The following HS6ST3 variants were observed in gnomAD, a reference collection of about 807,000 sequenced individuals.
The protein encoded by HS6ST3 is heparan-sulfate 6-O-sulfotransferase 3.
Under a neutral mutation model 36.7 loss-of-function variants are expected in HS6ST3, and 12 were observed. The observed-to-expected ratio is 0.33, with a 90% CI of 0.21 to 0.53. The LOEUF (loss-of-function observed/expected upper bound fraction) is 0.53. Ranked by LOEUF, HS6ST3 falls within the 20% of genes least tolerant of loss-of-function variation. The probability of loss-of-function intolerance (pLI) is 0.95; values close to 1 mark genes in which losing one functional copy is unlikely to be tolerated. For synonymous variants in HS6ST3, 240 were observed against 257.5 expected (o/e 0.93, Z 0.65); for missense variants, 584 against 640.9 (o/e 0.91, Z 0.96).
At chr13:96,157,301 T>G (rs1232731625) in intron 1 of HS6ST3, among the ~76,000 whole-genome samples, 2 of 152,132 alleles carry the variant, frequency 1.3e-5, no homozygotes, top group African/African-American at 4.8e-5. Flanking sequence ...GATAATGAAA[T>G]TACAGAGATT....
At chr13:96,185,272 CTACT>C (rs2054259887) in intron 1 of HS6ST3, among the ~76,000 whole-genome samples, 1 of 152,220 alleles carries the variant, frequency 6.6e-6, no homozygotes, top group Non-Finnish European at 1.5e-5. Context: ...CTTGTCCCAT[CTACT>C]TTGGAGTAGT....
At chr13:96,161,317 A>C (rs2054134727) in intron 1 of HS6ST3, among the ~76,000 whole-genome samples, 1 of 152,164 alleles carries the variant, frequency 6.6e-6, no homozygotes, top group Non-Finnish European at 1.5e-5. Context: ...CATAGGAGAG[A>C]TAGTAGGATC....
chr13:96,668,686 CTTTTTTTTTTTTTTTTTTTTTT>C lies in HS6ST3; in HGVS notation c.708-163785_708-163764del, dbSNP rs146033180. Among the ~76,000 whole-genome samples the C allele has an allele frequency of 5.1e-4, 30 of 58,942 alleles. 1 individual carries two copies. In the South Asian group the frequency reaches 7.4e-3, roughly 14 times the overall value. 38.7% of individuals were successfully genotyped at this position (58,942 alleles called of 152,430 possible). On this transcript the variant is annotated intron_variant, in intron 1 of 1. Coordinates refer to ENST00000376705, the MANE Select transcript of HS6ST3 (RefSeq NM_153456.4). ...GGGAGCTGAGCACAGTAGTGCCAACCTTTTTTTTTTTTTTTTTTTTTTTTTTTTTTTTTTTTTTTTGTATCAG... is the reference window on the plus strand; with the variant it reads ...GGGAGCTGAGCACAGTAGTGCCAACCTTTTTTTTTTTTTTTTTTGTATCAG...
chr13:96,403,557 C>T (rs1196675552), intron 1 of HS6ST3, among the ~76,000 whole-genome samples: 1 of 152,130 alleles, frequency 6.6e-6, no homozygotes, highest in Non-Finnish European at 1.5e-5. Context: ...TTAATCATTT[C>T]CTTCCTATAC....
At chr13:96,113,280 A>G (rs576912118) in intron 1 of HS6ST3, among the ~76,000 whole-genome samples, 1 of 152,232 alleles carries the variant, frequency 6.6e-6, no homozygotes, top group East Asian at 1.9e-4. Flanking sequence ...GGGAGAAGCC[A>G]GACTCAGAGC....
At chr13:96,489,806 G>T (rs1003436305) in intron 1 of HS6ST3, among the ~76,000 whole-genome samples, 2 of 152,092 alleles carry the variant, frequency 1.3e-5, no homozygotes, top group African/African-American at 4.8e-5. Flanking sequence ...AGCAGATTTT[G>T]TTGACATTTA....
At chr13:96,725,669 CAT>C (rs1491510233) in intron 1 of HS6ST3, among the ~76,000 whole-genome samples, 7 of 149,794 alleles carry the variant, frequency 4.7e-5, no homozygotes, top group Admixed American at 2.0e-4. Context: ...CACTGAATTG[CAT>C]GTGTGTGTGT....
chr13:96,450,309 A>G (rs567490423), intron 1 of HS6ST3, among the ~76,000 whole-genome samples: 5 of 152,280 alleles, frequency 3.3e-5, no homozygotes, highest in African/African-American at 1.2e-4. Context: ...GGTATTTGCC[A>G]TAGGAACTTT....
chr13:96,520,865 C>T (rs2056090633), intron 1 of HS6ST3, among the ~76,000 whole-genome samples: 1 of 152,148 alleles, frequency 6.6e-6, no homozygotes, highest in Non-Finnish European at 1.5e-5. Context: ...TTGCCCTGGC[C>T]AGAGCTTCCA....
intron 1 of HS6ST3, among the ~76,000 whole-genome samples, chr13:96,383,992 G>A (rs896845817): frequency 1.3e-5 from 2 of 152,178 alleles, no homozygotes; most frequent in African/African-American, 2.4e-5. Context: ...GCTCACAACA[G>A]TGTGGGAGTG....
intron 1 of HS6ST3, among the ~76,000 whole-genome samples, chr13:96,638,408 C>A (rs2056557252): frequency 6.6e-6 from 1 of 151,706 alleles, no homozygotes; most frequent in Non-Finnish European, 1.5e-5. Flanking sequence ...AGTTACATAC[C>A]CTCTCTACTG....
intron 1 of HS6ST3, among the ~76,000 whole-genome samples, chr13:96,104,831 GC>G (rs2053833679): frequency 6.6e-6 from 1 of 152,072 alleles, no homozygotes. Context: ...TCCCTTTGTG[GC>G]CCGGTGTGGT....
chr13:96,479,267 A>T (rs1834888322), intron 1 of HS6ST3, among the ~76,000 whole-genome samples: 1 of 152,226 alleles, frequency 6.6e-6, no homozygotes, highest in Non-Finnish European at 1.5e-5. Flanking sequence ...TGTTTCAGGA[A>T]GATGGAACAG....
chr13:96,827,096 G>T (rs913826066), intron 1 of HS6ST3, among the ~76,000 whole-genome samples: 1 of 152,178 alleles, frequency 6.6e-6, no homozygotes, highest in East Asian at 1.9e-4. Context: ...AGGGAGATTG[G>T]TGTAACATTC....
intron 1 of HS6ST3, among the ~76,000 whole-genome samples, chr13:96,166,575 C>CTTTTTTTTTTTTTTTTTT (rs765190619): frequency 1.5e-5 from 2 of 131,590 alleles, no homozygotes; most frequent in African/African-American, 5.6e-5. Flanking sequence ...TTCTTTCTTT[C>CTTTTTTTTTTTTTTTTTT]TTTTTTTTTT....
intron 1 of HS6ST3, among the ~76,000 whole-genome samples, chr13:96,441,383 TGAG>T (rs2055670593): frequency 6.6e-6 from 1 of 152,056 alleles, no homozygotes; most frequent in African/African-American, 2.4e-5. Context: ...TAGCAGTACT[TGAG>T]GAGCCATTGG....
In HS6ST3 at chr13:96,135,005, C is replaced by G. The variant is rs917792819; in HGVS notation, c.707+43436C>G. Among the ~76,000 whole-genome samples the G allele has an allele frequency of 5.9e-5, 9 of 152,320 alleles. No homozygotes were observed. In the South Asian group the frequency reaches 8.3e-4, roughly 14 times the overall value. On this transcript the variant is annotated intron_variant, in intron 1 of 1. Coordinates refer to ENST00000376705, the MANE Select transcript of HS6ST3 (RefSeq NM_153456.4). ...CAGTCATTGGGACCTGCAAGTTTCT[C>G]AGCACTGCGCCACATTACTGAAAGA...
intron 1 of HS6ST3, among the ~76,000 whole-genome samples, chr13:96,657,246 A>G (rs1489118798): frequency 1.3e-5 from 2 of 152,114 alleles, no homozygotes; most frequent in African/African-American, 4.8e-5. Context: ...TGTCTTACCA[A>G]CCTAGAACTC....
intron 1 of HS6ST3, among the ~76,000 whole-genome samples, chr13:96,445,165 T>C (rs2055692121): frequency 6.6e-6 from 1 of 152,202 alleles, no homozygotes; most frequent in African/African-American, 2.4e-5. Flanking sequence ...TCAAACCTAT[T>C]ACATTGGCCT....
Sources: gnomAD v4.1 joint callset for allele counts (sites outside exome capture counted in the v4.1 genomes callset) on GRCh38, gnomAD v4.1.1 for gene constraint, MANE v1.5 for transcripts, NCBI Gene and HGNC (gene_info 2026-07-23, HGNC 2026-07-21) for gene names.